The following KCNQ1 variants were observed in gnomAD, a reference collection of about 807,000 sequenced individuals.
KCNQ1 encodes the protein potassium voltage-gated channel subfamily KQT member 1.
A neutral mutation model predicts 72.4 loss-of-function variants in KCNQ1; 49 were observed. The observed-to-expected ratio is 0.68, with a 90% CI of 0.54 to 0.86. KCNQ1 has a LOEUF of 0.86. Among genes scored for constraint, KCNQ1 ranks in the 40% least tolerant of loss-of-function variants. The probability of loss-of-function intolerance (pLI) is 0.00; values close to 1 mark genes in which losing one functional copy is unlikely to be tolerated. For synonymous variants in KCNQ1, 450 were observed against 412.6 expected, an observed-to-expected ratio of 1.09 and a Z score of -1.10; for missense variants, 790 against 945.1, an observed-to-expected ratio of 0.84 and a Z score of 2.15.
At chr11:2,523,724 T>G (rs940747331) in intron 1 of KCNQ1, among the ~76,000 whole-genome samples, 1 of 150,544 alleles carries the variant, frequency 6.6e-6, no homozygotes, top group Non-Finnish European at 1.5e-5. Context: ...TTCTGTTCGC[T>G]CGCCTCTGCC....
rs1851069083 is a variant in KCNQ1, at chr11:2,715,063, G to C, written c.1514+52982G>C. ...GTTGGTGCTGGTGAGGAGTAGCAGG[G>C]TGGGGTCCGGCGGTAATGCCACTGA... is the stretch of plus-strand genomic sequence containing the variant. On this transcript the variant is annotated intron_variant, in intron 11 of 15. Coordinates refer to ENST00000155840, the MANE Select transcript of KCNQ1 (RefSeq NM_000218.3). This position sits in a 1 kb window ranked among gnomAD's most constrained non-coding sequence, Gnocchi z 4.9. Among the ~76,000 whole-genome samples the C allele has an allele frequency of 6.6e-6, 1 of 152,112 alleles. No homozygotes were observed. The highest frequency in any genetic ancestry group is 1.5e-5 in the Non-Finnish European group (1 of 68,018).
At chr11:2,629,275 T>G (rs1035092447) in intron 10 of KCNQ1, 25 of 398,306 alleles carry the variant, frequency 6.3e-5, no homozygotes, top group Non-Finnish European at 8.9e-5. Flanking sequence ...TGTTCAATGT[T>G]TCATAGTTTT....
intron 15 of KCNQ1, among the ~76,000 whole-genome samples, chr11:2,790,502 G>A (rs1056591832): frequency 3.3e-5 from 5 of 152,200 alleles, no homozygotes; most frequent in African/African-American, 9.6e-5. Flanking sequence ...ATCCAGCTGT[G>A]CACACAGGGC....
Position 2,445,107 on chromosome 11 carries a change from G to A in KCNQ1, c.9G>A (p.Ala3=). The A allele has an allele frequency of 7.3e-6, 8 of 1,090,972 alleles. No individual in the cohort carries two copies. Among genetic ancestry groups the A allele is most frequent in the Non-Finnish European group, 8.9e-6 (8 of 896,676 alleles). The allele number at this position is 1,090,972 out of a possible 1,614,324, so 67.6% of individuals were successfully genotyped here. MA[A]ASSPPRAERK... is the part of the protein sequence containing the mutation. ...GGCAGGCCCTCCTCGTTATGGCCGC[G>A]GCCTCCTCCCCGCCCAGGGCCGAGA... is the stretch of plus-strand genomic sequence containing the variant. Residue 3 remains alanine, a synonymous_variant, in exon 1 of 16, where the codon GCG becomes GCA. Coordinates refer to ENST00000155840, the MANE Select transcript of KCNQ1 (RefSeq NM_000218.3).
At chr11:2,548,048 A>C (rs1372478573) in intron 2 of KCNQ1, among the ~76,000 whole-genome samples, 1 of 151,966 alleles carries the variant, frequency 6.6e-6, no homozygotes, top group Non-Finnish European at 1.5e-5. Context: ...CTGGGGAGTT[A>C]GGGTTTCGCT....
Position 2,653,780 on chromosome 11 carries a change from G to A in KCNQ1, c.1394-8181G>A. On this transcript the variant is annotated intron_variant, in intron 10 of 15. Coordinates refer to ENST00000155840, the MANE Select transcript of KCNQ1 (RefSeq NM_000218.3). The surrounding 1 kb of genome is among the most constrained non-coding windows in gnomAD (Gnocchi z 5.3). ...TCAGCTGGGGTACAAGCCATCCTTG[G>A]ACCTGCAGCTGTACCTCCGATGGCT... 1 of 398,622 alleles carries A rather than the reference G, an allele frequency of 2.5e-6. No individual in the cohort carries two copies. Among genetic ancestry groups the A allele is most frequent in the Non-Finnish European group, 4.4e-6 (1 of 226,080 alleles). 24.7% of individuals were successfully genotyped at this position (398,622 alleles called of 1,614,324 possible). A position where few individuals can be genotyped will look rare whatever the true frequency, so the allele number is the denominator to read the frequency against.
In KCNQ1 at chr11:2,541,602, G is replaced by A. The variant is rs1350205926; in HGVS notation, c.477+13584G>A. ...TGGGGACGCCGTTTTCGGGATGCTTGTGAGCAGGGCTTTGTCCCCACCGTT... is the reference window on the plus strand; with the variant it reads ...TGGGGACGCCGTTTTCGGGATGCTTATGAGCAGGGCTTTGTCCCCACCGTT... On this transcript the variant is annotated intron_variant, in intron 2 of 15. Coordinates refer to ENST00000155840, the MANE Select transcript of KCNQ1 (RefSeq NM_000218.3). This position sits in a 1 kb window ranked among gnomAD's most constrained non-coding sequence, Gnocchi z 4.8. Among the ~76,000 whole-genome samples, 1 of 152,010 alleles carries A rather than the reference G, an allele frequency of 6.6e-6. No individual in the cohort carries two copies. The highest frequency in any genetic ancestry group is 6.6e-5 in the Admixed American group (1 of 15,264).
In KCNQ1 at chr11:2,603,503, C is replaced by G. The variant is rs578149758; in HGVS notation, c.1393+14649C>G. On this transcript the variant is annotated intron_variant, in intron 10 of 15. Transcript: ENST00000155840. The surrounding 1 kb of genome is among the most constrained non-coding windows in gnomAD (Gnocchi z 4.1). The stretch of plus-strand genomic sequence containing the variant: ...CATTTTTATCATTCCAAAAAGAAAC[C>G]CAGTGCCTTTTAAATATCACCCCCA... Among the ~76,000 whole-genome samples, 2 of 152,280 alleles carry G rather than the reference C, an allele frequency of 1.3e-5. No homozygotes were observed. The highest frequency in any genetic ancestry group is 6.5e-5 in the Admixed American group (1 of 15,302).
chr11:2,831,653 C>G (rs1249795008), intron 15 of KCNQ1, among the ~76,000 whole-genome samples: 2 of 150,714 alleles, frequency 1.3e-5, no homozygotes, highest in Non-Finnish European at 3.0e-5. Flanking sequence ...CCCCTCCTCC[C>G]CTTTCCCCTT....
rs1406000384 is a variant in KCNQ1, at chr11:2,710,122, C to T, written c.1514+48041C>T. On this transcript the variant is annotated intron_variant, in intron 11 of 15. Coordinates refer to ENST00000155840, the MANE Select transcript of KCNQ1 (RefSeq NM_000218.3). The surrounding 1 kb of genome is among the most constrained non-coding windows in gnomAD (Gnocchi z 4.1). The stretch of plus-strand genomic sequence containing the variant: ...TCCCACCAGTAGTGTATGTGAGTTC[C>T]TATCTCTCCACATTCTCACCAACAC... Among the ~76,000 whole-genome samples the T allele has an allele frequency of 3.3e-5, 5 of 152,186 alleles. No homozygotes were observed. The highest frequency in any genetic ancestry group is 5.9e-5 in the Non-Finnish European group (4 of 68,034).
chr11:2,616,217 ATTTTTG>A (rs1849061608), intron 10 of KCNQ1: 2 of 384,792 alleles, frequency 5.2e-6, no homozygotes, highest in African/African-American at 2.2e-5. Context: ...TTTTTTTCTT[ATTTTTG>A]TTTTTTTTTG....
intron 15 of KCNQ1, among the ~76,000 whole-genome samples, chr11:2,833,721 G>A (rs1848002402): frequency 6.6e-6 from 1 of 152,268 alleles, no homozygotes; most frequent in Admixed American, 6.5e-5. Flanking sequence ...TGACCGTGCA[G>A]TCCACTGGGC....
In KCNQ1 at chr11:2,611,883, G is replaced by A. The variant is rs1232935511; in HGVS notation, c.1393+23029G>A. 1 of 398,204 alleles carries A rather than the reference G, an allele frequency of 2.5e-6. No individual in the cohort carries two copies. Among genetic ancestry groups the A allele is most frequent in the African/African-American group, 2.1e-5 (1 of 48,538 alleles). The allele number at this position is 398,204 out of a possible 1,614,324, so 24.7% of individuals were successfully genotyped here. ...AGTTTATTTCCCCCATTTTTAAAGT[G>A]TAATCTGGAGGTTACAATAAGCAGC... On this transcript the variant is annotated intron_variant, in intron 10 of 15. Coordinates refer to ENST00000155840, the MANE Select transcript of KCNQ1 (RefSeq NM_000218.3). This position sits in a 1 kb window ranked among gnomAD's most constrained non-coding sequence, Gnocchi z 5.3.
In KCNQ1 at chr11:2,588,994, C is replaced by T; in HGVS notation, c.1393+140C>T. ...TATGAACAGACAGAGGGTGGAGCTT[C>T]TAGAAACTTCTGTAAACCTTCCAGG... On this transcript the variant is annotated intron_variant, in intron 10 of 15. Transcript: ENST00000155840. The surrounding 1 kb of genome is among the most constrained non-coding windows in gnomAD (Gnocchi z 5.6). 1 of 1,032,502 alleles carries T rather than the reference C, an allele frequency of 9.7e-7. No homozygotes were observed. The highest frequency in any genetic ancestry group is 2.6e-5 in the East Asian group (1 of 38,508). The allele number at this position is 1,032,502 out of a possible 1,614,324, so 64.0% of individuals were successfully genotyped here. A position where few individuals can be genotyped will look rare whatever the true frequency, so the allele number is the denominator to read the frequency against.
At position 2,588,906 on chromosome 11, in the gene KCNQ1, T is replaced by G. The variant is rs748558579; in HGVS notation, c.1393+52T>G. ...CCGCGGGGCCGGGAAGGTCACTGCC[T>G]TTTTTGGGAGCCCGAGCAAGCCAGT... On this transcript the variant is annotated intron_variant, in intron 10 of 15. Transcript: ENST00000155840. The surrounding 1 kb of genome is among the most constrained non-coding windows in gnomAD (Gnocchi z 5.6). 1.9e-6 allele frequency: 3 copies of G among 1,596,388 alleles called. No homozygotes were observed. The African/African-American group carries it at 4.0e-5, about 21-fold the overall frequency.
intron 1 of KCNQ1, among the ~76,000 whole-genome samples, chr11:2,455,991 T>C (rs1564785709): frequency 6.6e-6 from 1 of 152,184 alleles, no homozygotes; most frequent in Non-Finnish European, 1.5e-5. Flanking sequence ...TGGCTCCCCA[T>C]ATGCAGAGGA....
At chr11:2,807,446 C>T (rs566498994) in intron 15 of KCNQ1, among the ~76,000 whole-genome samples, 5 of 152,306 alleles carry the variant, frequency 3.3e-5, no homozygotes, top group Admixed American at 2.0e-4. Flanking sequence ...TGGGCCTCCT[C>T]GCCCCCCCAC....
Position 2,588,863 on chromosome 11 carries a change from C to A in KCNQ1, c.1393+9C>A, listed in dbSNP as rs774803201. 3.7e-6 allele frequency: 6 copies of A among 1,611,256 alleles called. No individual in the cohort carries two copies. In the African/African-American group the frequency reaches 8.0e-5, roughly 22 times the overall value. ...CGGCTATGACAGTTCTGGTGAGAACCCCTCAGGCAGTTGGGGGCCGCGGGG... is the reference window on the plus strand; with the variant it reads ...CGGCTATGACAGTTCTGGTGAGAACACCTCAGGCAGTTGGGGGCCGCGGGG... On this transcript the variant is annotated intron_variant, in intron 10 of 15. Coordinates refer to ENST00000155840, the MANE Select transcript of KCNQ1 (RefSeq NM_000218.3). The surrounding 1 kb of genome is among the most constrained non-coding windows in gnomAD (Gnocchi z 5.6).
rs1052069932 is a variant in KCNQ1, at chr11:2,750,688, G to A, written c.1515-18156G>A. Among the ~76,000 whole-genome samples the A allele has an allele frequency of 4.6e-5, 7 of 152,184 alleles. No individual in the cohort carries two copies. Among genetic ancestry groups the A allele is most frequent in the African/African-American group, 1.7e-4 (7 of 41,436 alleles). ...TTCTCTCCCTTGTTTTAATCAACCA[G>A]TTCCCAATAAGTCATTTCAGTCAGG... is the stretch of plus-strand genomic sequence containing the variant. On this transcript the variant is annotated intron_variant, in intron 11 of 15. Transcript: ENST00000155840. The surrounding 1 kb of genome is among the most constrained non-coding windows in gnomAD (Gnocchi z 6.3).
Sources: allele counts gnomAD v4.1 joint callset (sites outside exome capture counted in the v4.1 genomes callset), GRCh38; gene constraint gnomAD v4.1.1; non-coding constraint Gnocchi (gnomAD v3.1); transcripts MANE v1.5; gene names NCBI Gene and HGNC (gene_info 2026-07-23, HGNC 2026-07-21).